Variants in LDHC observed in about 807,000 individuals in gnomAD.
LDHC encodes the protein lactate dehydrogenase C.
A neutral mutation model predicts 30.2 loss-of-function variants in LDHC; 20 were observed. The observed-to-expected ratio is 0.66, with a 90% CI of 0.47 to 0.96. The LOEUF (loss-of-function observed/expected upper bound fraction) is 0.96, where lower values mean the gene tolerates loss of function less well. Ranked by LOEUF, LDHC falls within the 40% of genes least tolerant of loss-of-function variation. LDHC has a pLI of 0.00. For missense variants in LDHC, 362 were observed against 394.9 expected (o/e 0.92, Z 0.71); for synonymous variants, 139 against 132.7 (o/e 1.05, Z -0.32).
intron 3 of LDHC, among the ~76,000 whole-genome samples, chr11:18,416,123 A>G (rs1867019021): frequency 6.6e-6 from 1 of 152,228 alleles, no homozygotes; most frequent in African/African-American, 2.4e-5. Flanking sequence ...TAGGTTTTCT[A>G]AGCTTTTGTT....
chr11:18,434,252 C>A (rs969481358), intron 4 of LDHC, among the ~76,000 whole-genome samples: 11 of 150,930 alleles, frequency 7.3e-5, no homozygotes, highest in Admixed American at 7.3e-4. Context: ...TTGGGCTTCG[C>A]CTTTCTCTGG....
chr11:18,443,274 C>G (rs1340532158), intron 6 of LDHC, among the ~76,000 whole-genome samples: 1 of 152,058 alleles, frequency 6.6e-6, no homozygotes, highest in Non-Finnish European at 1.5e-5. Flanking sequence ...ATGCAGGGAT[C>G]TAACTGGTCT....
At chr11:18,449,786 G>A (rs542707301) in intron 7 of LDHC, among the ~76,000 whole-genome samples, 1 of 152,290 alleles carries the variant, frequency 6.6e-6, no homozygotes, top group African/African-American at 2.4e-5. Context: ...CCTGAGTAGA[G>A]CCCCAGAGAT....
intron 4 of LDHC, among the ~76,000 whole-genome samples, chr11:18,433,032 G>A (rs1022427022): frequency 1.3e-5 from 2 of 152,128 alleles, no homozygotes; most frequent in Non-Finnish European, 2.9e-5. Flanking sequence ...TTGTTTGTAT[G>A]TTTGTTTTTG....
At chr11:18,431,793 C>T (rs1251074345) in intron 4 of LDHC, among the ~76,000 whole-genome samples, 2 of 152,262 alleles carry the variant, frequency 1.3e-5, no homozygotes, top group African/African-American at 4.8e-5. Context: ...TCAGGTGATC[C>T]ACCTGCCTCG....
At chr11:18,444,276 G>C (rs1342298213) in intron 6 of LDHC, among the ~76,000 whole-genome samples, 1 of 151,888 alleles carries the variant, frequency 6.6e-6, no homozygotes, top group Non-Finnish European at 1.5e-5. Context: ...ACTTTCTTCT[G>C]TTTCTCAATC....
At chr11:18,441,781 G>A (rs1299149978) in intron 6 of LDHC, among the ~76,000 whole-genome samples, 5 of 151,886 alleles carry the variant, frequency 3.3e-5, no homozygotes, top group East Asian at 3.9e-4. Context: ...GCTTGGTGGC[G>A]GGCGCCTGTA....
intron 3 of LDHC, among the ~76,000 whole-genome samples, chr11:18,416,687 C>T (rs185060873): frequency 6.7e-6 from 1 of 150,154 alleles, no homozygotes; most frequent in African/African-American, 2.4e-5. Context: ...CCCTTCCCTT[C>T]CATCTTCCCC....
chr11:18,431,374 A>C (rs926744646), intron 4 of LDHC, among the ~76,000 whole-genome samples: 1 of 152,140 alleles, frequency 6.6e-6, no homozygotes, highest in African/African-American at 2.4e-5. Flanking sequence ...AGGCAGGAGA[A>C]TCACTTGAAC....
At chr11:18,441,288 C>T (rs1848460241) in intron 6 of LDHC, among the ~76,000 whole-genome samples, 1 of 151,888 alleles carries the variant, frequency 6.6e-6, no homozygotes, top group Non-Finnish European at 1.5e-5. Context: ...CACAGTATAG[C>T]ATATCAGTAT....
intron 3 of LDHC, among the ~76,000 whole-genome samples, chr11:18,420,867 G>T (rs1389380702): frequency 1.8e-4 from 28 of 152,052 alleles, no homozygotes; most frequent in Admixed American, 1.8e-3. Flanking sequence ...GTATAAAACT[G>T]TAGTCTTGGG....
chr11:18,416,311 A>G (rs1867022426), intron 3 of LDHC, among the ~76,000 whole-genome samples: 1 of 152,222 alleles, frequency 6.6e-6, no homozygotes, highest in African/African-American at 2.4e-5. Context: ...ATGAGGCCAT[A>G]GAACATAAGA....
chr11:18,424,527 ATTG>A (rs1304652140), intron 3 of LDHC, among the ~76,000 whole-genome samples: 1 of 152,198 alleles, frequency 6.6e-6, no homozygotes, highest in Non-Finnish European at 1.5e-5. Flanking sequence ...ACAAGAACGT[ATTG>A]TAGTAGCCCC....
rs1340256429 is a variant in LDHC at position 18,418,250 on chromosome 11, T to C, written c.244+2949T>C. Among the ~76,000 whole-genome samples, 3 of 148,574 alleles carry C rather than the reference T, an allele frequency of 2.0e-5. No homozygotes were observed. In the Admixed American group the frequency reaches 2.1e-4, roughly 10 times the overall value. On this transcript the variant is annotated intron_variant, in intron 3 of 7. Coordinates refer to ENST00000541669, the MANE Select transcript of LDHC (RefSeq NM_017448.5). ...TATAATAATAAATACATAATTATATTTGGGTACAAATATGACTAATTCTTG... is the reference window on the plus strand; with the variant it reads ...TATAATAATAAATACATAATTATATCTGGGTACAAATATGACTAATTCTTG...
rs558270550 is a variant in LDHC, at chr11:18,448,344, C to T, written c.834+2011C>T. On this transcript the variant is annotated intron_variant, in intron 7 of 7. Transcript: ENST00000541669. The stretch of plus-strand genomic sequence containing the variant: ...TGTTGCCCAGGCTGGAGTGCAGTGG[C>T]GCAATCTCAGCTCACTGCAACCTCT... 1.8e-4 allele frequency among the ~76,000 whole-genome samples: 28 copies of T among 152,176 alleles called. 1 individual carries two copies. In the South Asian group the frequency reaches 4.4e-3, roughly 24 times the overall value.
At chr11:18,422,799 AC>A (rs770552409) in intron 3 of LDHC, among the ~76,000 whole-genome samples, 6 of 151,762 alleles carry the variant, frequency 4.0e-5, no homozygotes, top group Non-Finnish European at 7.4e-5. Context: ...CCTGGGAAAC[AC>A]GGTGAAACCA....
chr11:18,450,756 G>C, intron 7 of LDHC: 1 of 445,932 alleles, frequency 2.2e-6, no homozygotes, highest in South Asian at 3.8e-5. Context: ...AAGGCCTCTG[G>C]CATCTTCTTC....
intron 6 of LDHC, among the ~76,000 whole-genome samples, chr11:18,442,976 C>T (rs1848493809): frequency 6.6e-6 from 1 of 151,952 alleles, no homozygotes; most frequent in Admixed American, 6.6e-5. Flanking sequence ...CTTTTTTTGG[C>T]CAAACTATTT....
chr11:18,431,385 C>T (rs959616223), intron 4 of LDHC, among the ~76,000 whole-genome samples: 1 of 152,022 alleles, frequency 6.6e-6, no homozygotes, highest in African/African-American at 2.4e-5. Context: ...TCACTTGAAC[C>T]TGGGAAGTGG....
Sources: gnomAD v4.1 joint callset for allele counts (sites outside exome capture counted in the v4.1 genomes callset) on GRCh38, gnomAD v4.1.1 for gene constraint, MANE v1.5 for transcripts, NCBI Gene and HGNC (gene_info 2026-07-23, HGNC 2026-07-21) for gene names.